Variants in SPRYD7 observed in about 807,000 individuals in gnomAD.
SPRYD7 encodes SPRY domain containing 7.
SPRYD7 carries 14 observed loss-of-function variants against 23.8 expected under a neutral mutation model. The ratio of observed to expected loss-of-function variants is 0.59; its 90% confidence interval spans 0.39 to 0.92. The LOEUF (loss-of-function observed/expected upper bound fraction) is 0.92, where lower values mean the gene tolerates loss of function less well. Among genes scored for constraint, SPRYD7 ranks in the 40% least tolerant of loss-of-function variants. The pLI is 0.00. For missense variants in SPRYD7, 194 were observed against 241.7 expected (o/e 0.80, Z 1.31); for synonymous variants, 75 against 84.9 (o/e 0.88, Z 0.64).
chr13:49,930,771 T>C (rs185286042), intron 2 of SPRYD7, among the ~76,000 whole-genome samples: 1 of 152,126 alleles, frequency 6.6e-6, no homozygotes, highest in Non-Finnish European at 1.5e-5. Context: ...AACACTTTCA[T>C]ACATAGAGTT....
At chr13:49,921,848 A>AT (rs1336797709) in intron 3 of SPRYD7, among the ~76,000 whole-genome samples, 1 of 152,228 alleles carries the variant, frequency 6.6e-6, no homozygotes, top group Non-Finnish European at 1.5e-5. Context: ...TATAATCTGG[A>AT]TTTTATATTT....
At position 49,915,074 on chromosome 13, in the gene SPRYD7, G is replaced by A; in HGVS notation, c.580C>T (p.Gln194Ter). ...AAAAACAAATACATTCAGAAGATTT[G>A]CTGTTCAAATAATATTTTTTCAAAA... Reference protein sequence around the residue: ...PGFEKILFEQQIF With the variant: ...PGFEKILFEQ The change falls in exon 5 of 5, where the codon CAA (glutamine) becomes TAA (stop). Residue 194 changes from glutamine (Q) to a stop codon, truncating the protein, a stop_gained. Transcript: ENST00000361840. LOFTEE classifies it high-confidence loss of function. 6.5e-7 allele frequency: 1 copy of A among 1,547,706 alleles called. No individual in the cohort carries two copies. Among genetic ancestry groups the A allele is most frequent in the Admixed American group, 1.9e-5 (1 of 53,558 alleles).
chr13:49,920,922 C>G (rs1430620086), intron 4 of SPRYD7, among the ~76,000 whole-genome samples: 1 of 152,124 alleles, frequency 6.6e-6, no homozygotes. Flanking sequence ...GATCGTGTCA[C>G]TGCACTCCAG....
At chr13:49,935,435 A>G (rs1222617469) in intron 1 of SPRYD7, among the ~76,000 whole-genome samples, 1 of 152,246 alleles carries the variant, frequency 6.6e-6, no homozygotes, top group African/African-American at 2.4e-5. Context: ...GAAGAATGTT[A>G]GATAAATTAT....
chr13:49,922,671 T>G (rs1594512242), intron 3 of SPRYD7, among the ~76,000 whole-genome samples: 1 of 152,140 alleles, frequency 6.6e-6, no homozygotes, highest in Non-Finnish European at 1.5e-5. Flanking sequence ...AGCTACTAAC[T>G]GATAACAAAA....
rs1449668788 is a variant in SPRYD7 at position 49,928,100 on chromosome 13, G to T, written c.224-15C>A. 1.2e-6 allele frequency: 2 copies of T among 1,606,170 alleles called. No homozygotes were observed. The highest frequency in any genetic ancestry group is 1.3e-5 in the African/African-American group (1 of 74,624). On this transcript the variant is annotated splice_polypyrimidine_tract_variant and intron_variant, in intron 2 of 4. Transcript: ENST00000361840. ...ACCCCAGATTCCTAAAAATATAACA[G>T]TTTAAATGCCCTCAAAATCTGAAGA...
intron 4 of SPRYD7, among the ~76,000 whole-genome samples, chr13:49,918,403 C>CTTTTTTTTTTTTTTTTTTTTTTTTT (rs11436488): frequency 7.0e-6 from 1 of 143,052 alleles, no homozygotes. Flanking sequence ...TAAATTAGTT[C>CTTTTTTTTTTTTTTTTTTTTTTTTT]TTTTTTTTTT....
Position 49,930,887 on chromosome 13 carries a change from G to A in SPRYD7, c.223+131C>T, listed in dbSNP as rs1594518281. 8 of 544,202 alleles carry A rather than the reference G, an allele frequency of 1.5e-5. No individual in the cohort carries two copies. The East Asian group carries it at 2.6e-4, about 18-fold the overall frequency. The allele number at this position is 544,202 out of a possible 1,614,324, so 33.7% of individuals were successfully genotyped here. On this transcript the variant is annotated intron_variant, in intron 2 of 4. Transcript: ENST00000361840. ...ATTTACCCAGGATCACACAACAAGA[G>A]GTGGAAGACCCAGATCTTCTAAGAG...
At position 49,912,712 on chromosome 13, in the gene SPRYD7, A is replaced by C. The variant is rs1187587408; in HGVS notation, c.*2351T>G. 6.6e-6 allele frequency: 1 copy of C among 152,246 alleles called. No individual in the cohort carries two copies. Among genetic ancestry groups the C allele is most frequent in the East Asian group, 1.9e-4 (1 of 5,200 alleles). The allele number at this position is 152,246 out of a possible 1,614,324, so 9.4% of individuals were successfully genotyped here. A position where few individuals can be genotyped will look rare whatever the true frequency, so the allele number is the denominator to read the frequency against. On this transcript the variant is annotated 3_prime_UTR_variant, in exon 5 of 5. Transcript: ENST00000361840. ...AGGTAGATAACATCATAACGATAGC[A>C]AACAGTAGTCACTTTAATTTGCTTT... is the stretch of plus-strand genomic sequence containing the variant.
At chr13:49,929,070 G>T (rs1159317361) in intron 2 of SPRYD7, among the ~76,000 whole-genome samples, 1 of 152,064 alleles carries the variant, frequency 6.6e-6, no homozygotes, top group African/African-American at 2.4e-5. Context: ...TCCTGGCCTT[G>T]AGCAACCCTC....
intron 3 of SPRYD7, among the ~76,000 whole-genome samples, chr13:49,925,929 A>C (rs561612023): frequency 1.5e-3 from 232 of 152,060 alleles, no homozygotes; most frequent in African/African-American, 5.4e-3. Flanking sequence ...TCATATAATC[A>C]TTTGGTTAGA....
chr13:49,931,191 C>A lies in SPRYD7; in HGVS notation c.107-57G>T, dbSNP rs146870225. 6.8e-4 allele frequency: 822 copies of A among 1,211,496 alleles called. 7 individuals carry two copies. The African/African-American group carries it at 0.01, about 15-fold the overall frequency. 75.0% of individuals were successfully genotyped at this position (1,211,496 alleles called of 1,614,324 possible). The stretch of plus-strand genomic sequence containing the variant: ...TTTGTATTTTCTTTTCTTTTCTTTT[C>A]TTTTTTGAGACGGAGTCTTGCTCTG... On this transcript the variant is annotated intron_variant, in intron 1 of 4. Coordinates refer to ENST00000361840, the MANE Select transcript of SPRYD7 (RefSeq NM_020456.4).
intron 4 of SPRYD7, among the ~76,000 whole-genome samples, chr13:49,919,829 CCTTT>C: frequency 6.7e-6 from 1 of 148,780 alleles, no homozygotes; most frequent in African/African-American, 2.5e-5. Flanking sequence ...AAGAAAGAGA[CCTTT>C]TTTTCGAGAT....
At chr13:49,929,897 C>T (rs1277766301) in intron 2 of SPRYD7, among the ~76,000 whole-genome samples, 2 of 152,020 alleles carry the variant, frequency 1.3e-5, no homozygotes, top group African/African-American at 2.4e-5. Flanking sequence ...TCAGGCAATT[C>T]TCCTGCCTTA....
In SPRYD7 at chr13:49,914,344, C is replaced by G. The variant is rs1955728596; in HGVS notation, c.*719G>C. On this transcript the variant is annotated 3_prime_UTR_variant, in exon 5 of 5. Transcript: ENST00000361840. ...AAATAAAAGTCCTTAAAAGAATAAC[C>G]TCATTTAAATGTAAAGCATCATACT... 6.5e-6 allele frequency: 1 copy of G among 153,522 alleles called. No homozygotes were observed. Among genetic ancestry groups the G allele is most frequent in the African/African-American group, 2.4e-5 (1 of 41,394 alleles). The allele number at this position is 153,522 out of a possible 1,614,324, so 9.5% of individuals were successfully genotyped here.
At chr13:49,927,654 G>C (rs1207028285) in intron 3 of SPRYD7, among the ~76,000 whole-genome samples, 1 of 152,290 alleles carries the variant, frequency 6.6e-6, no homozygotes, top group East Asian at 1.9e-4. Flanking sequence ...TGTGTGATCA[G>C]CAGACAGCCT....
chr13:49,920,424 T>A (rs1009316937), intron 4 of SPRYD7, among the ~76,000 whole-genome samples: 1 of 152,198 alleles, frequency 6.6e-6, no homozygotes, highest in African/African-American at 2.4e-5. Context: ...ATATTATTTA[T>A]AATTATGTTT....
At chr13:49,931,378 C>T (rs1280459288) in intron 1 of SPRYD7, among the ~76,000 whole-genome samples, 3 of 152,106 alleles carry the variant, frequency 2.0e-5, no homozygotes, top group Non-Finnish European at 4.4e-5. Flanking sequence ...ATGGGGGTTT[C>T]ACCATATTGG....
rs1007753045 is a variant in SPRYD7, at chr13:49,921,669, T to C, written c.391-89A>G. On this transcript the variant is annotated intron_variant, in intron 3 of 4. Transcript: ENST00000361840. Reference sequence around the variant, plus strand: ...GTATGGAAACACAAAAAGCTAAGCATAGGCTGACAACAATTTTCATTAAGG... The same window carrying C: ...GTATGGAAACACAAAAAGCTAAGCACAGGCTGACAACAATTTTCATTAAGG... 1.7e-5 allele frequency: 13 copies of C among 770,268 alleles called. No homozygotes were observed. The African/African-American group carries it at 1.7e-4, about 10-fold the overall frequency. The allele number at this position is 770,268 out of a possible 1,614,324, so 47.7% of individuals were successfully genotyped here.
Sources: allele counts gnomAD v4.1 joint callset (sites outside exome capture counted in the v4.1 genomes callset), GRCh38; gene constraint gnomAD v4.1.1; transcripts MANE v1.5; gene names NCBI Gene and HGNC (gene_info 2026-07-23, HGNC 2026-07-21).